Variants in MPZL1 observed in about 807,000 individuals in gnomAD.
MPZL1 encodes myelin protein zero like 1.
A neutral mutation model predicts 29.3 loss-of-function variants in MPZL1; 16 were observed. The observed-to-expected ratio is 0.55, with a 90% CI of 0.37 to 0.83. MPZL1 has a LOEUF of 0.83. MPZL1 is among the 40% of genes least tolerant of loss of function. The pLI is 0.00. For synonymous variants in MPZL1, 143 were observed against 132.0 expected, an observed-to-expected ratio of 1.08 and a Z score of -0.57; for missense variants, 279 against 332.9, an observed-to-expected ratio of 0.84 and a Z score of 1.26.
At position 167,783,032 on chromosome 1, in the gene MPZL1, C is replaced by T. The variant is rs115414042; in HGVS notation, c.709-4788C>T. Reference sequence around the variant, plus strand: ...CACCTTTAAAATTGTCTTTATTCTCCTCCCTCAAACTTGATTGCGAATCTG... The same window carrying T: ...CACCTTTAAAATTGTCTTTATTCTCTTCCCTCAAACTTGATTGCGAATCTG... On this transcript the variant is annotated intron_variant, in intron 5 of 5. Transcript: ENST00000359523. Among the ~76,000 whole-genome samples the T allele has an allele frequency of 4.5e-3, 690 of 152,298 alleles. 10 individuals carry two copies. Among genetic ancestry groups the T allele is most frequent in the African/African-American group, 0.016 (657 of 41,570 alleles).
intron 1 of MPZL1, among the ~76,000 whole-genome samples, chr1:167,741,482 C>T (rs768407680): frequency 2.6e-5 from 4 of 151,734 alleles, no homozygotes; most frequent in African/African-American, 4.8e-5. Flanking sequence ...CACGCCACCA[C>T]GCCTGGCTAA....
chr1:167,735,664 G>T (rs1355323516), intron 1 of MPZL1, among the ~76,000 whole-genome samples: 5 of 152,144 alleles, frequency 3.3e-5, no homozygotes, highest in Non-Finnish European at 7.4e-5. Flanking sequence ...GGGAAAAGTT[G>T]CAATTCAAGT....
At chr1:167,727,228 C>G (rs2101744563) in intron 1 of MPZL1, among the ~76,000 whole-genome samples, 1 of 152,294 alleles carries the variant, frequency 6.6e-6, no homozygotes, top group Non-Finnish European at 1.5e-5. Flanking sequence ...AGATGCTGGT[C>G]TACCTACTAA....
At position 167,788,089 on chromosome 1, in the gene MPZL1, T is replaced by A; in HGVS notation, c.*168T>A. 9.1e-6 allele frequency: 5 copies of A among 548,132 alleles called. No individual in the cohort carries two copies. In the South Asian group the frequency reaches 1.4e-4, roughly 15 times the overall value. 34.0% of individuals were successfully genotyped at this position (548,132 alleles called of 1,614,324 possible). A position where few individuals can be genotyped will look rare whatever the true frequency, so the allele number is the denominator to read the frequency against. On this transcript the variant is annotated 3_prime_UTR_variant, in exon 6 of 6. Transcript: ENST00000359523. ...GTACAAAGGATATGTATAAATATTC[T>A]ATTTAGTCATCCTGATATGAGGAGC...
chr1:167,754,073 C>G (rs1227423382), intron 1 of MPZL1, among the ~76,000 whole-genome samples: 1 of 152,162 alleles, frequency 6.6e-6, no homozygotes, highest in Non-Finnish European at 1.5e-5. Context: ...TCTCCGTTCG[C>G]TGCAACCTCT....
chr1:167,769,264 T>C (rs542645698), intron 2 of MPZL1, among the ~76,000 whole-genome samples: 13 of 152,340 alleles, frequency 8.5e-5, no homozygotes, highest in Middle Eastern at 3.4e-3. Flanking sequence ...TTCTGGACTT[T>C]TTTTATACAG....
At chr1:167,742,667 T>G (rs143607026) in intron 1 of MPZL1, among the ~76,000 whole-genome samples, 1 of 152,174 alleles carries the variant, frequency 6.6e-6, no homozygotes, top group Non-Finnish European at 1.5e-5. Context: ...TCTTTGTTTT[T>G]GTTGCATTTG....
rs1467765948 is a variant in MPZL1 at position 167,722,146 on chromosome 1, T to C, written c.-6T>C. ...CGGCGGCGGCGGCGACTGCAGTGGCTGGACGATGGCAGCGTCCGCCGGAGC... is the reference window on the plus strand; with the variant it reads ...CGGCGGCGGCGGCGACTGCAGTGGCCGGACGATGGCAGCGTCCGCCGGAGC... On this transcript the variant is annotated 5_prime_UTR_variant, in exon 1 of 6. Transcript: ENST00000359523. 3.2e-6 allele frequency: 4 copies of C among 1,235,146 alleles called. No homozygotes were observed. In the African/African-American group the frequency reaches 6.2e-5, roughly 19 times the overall value. The allele number at this position is 1,235,146 out of a possible 1,614,324, so 76.5% of individuals were successfully genotyped here.
At chr1:167,759,688 C>T (rs757524362) in intron 1 of MPZL1, among the ~76,000 whole-genome samples, 19 of 146,324 alleles carry the variant, frequency 1.3e-4, no homozygotes, top group Non-Finnish European at 2.4e-4. Context: ...CAATCAACTA[C>T]GCAGAGTGCC....
intron 5 of MPZL1, among the ~76,000 whole-genome samples, chr1:167,780,082 TGAC>T (rs753593190): frequency 6.6e-6 from 1 of 152,174 alleles, no homozygotes; most frequent in Non-Finnish European, 1.5e-5. Flanking sequence ...AAGGAAAAAT[TGAC>T]GTATTTACAA....
At chr1:167,732,325 T>TGG (rs1206942791) in intron 1 of MPZL1, among the ~76,000 whole-genome samples, 1 of 152,064 alleles carries the variant, frequency 6.6e-6, no homozygotes, top group East Asian at 1.9e-4. Flanking sequence ...TGCTTAGGAG[T>TGG]GGAGGCTGAA....
intron 1 of MPZL1, among the ~76,000 whole-genome samples, chr1:167,732,292 C>G (rs1660287870): frequency 6.6e-6 from 1 of 152,070 alleles, no homozygotes; most frequent in Non-Finnish European, 1.5e-5. Context: ...GGCAACATGG[C>G]AAAACTGCAT....
chr1:167,785,067 C>CTACTGCTACG (rs1661565248), intron 5 of MPZL1, among the ~76,000 whole-genome samples: 1 of 152,210 alleles, frequency 6.6e-6, no homozygotes, highest in Non-Finnish European at 1.5e-5. Context: ...TATCAATTAT[C>CTACTGCTACG]TACTGCTACG....
chr1:167,761,169 G>A lies in MPZL1; in HGVS notation c.92-4414G>A, dbSNP rs187385298. Among the ~76,000 whole-genome samples, 685 of 152,274 alleles carry A rather than the reference G, an allele frequency of 4.5e-3. 11 individuals carry two copies. The highest frequency in any genetic ancestry group is 3.0e-3 in the Non-Finnish European group (203 of 68,018). ...AGAGGAGAGAAATTGGACACAGTGTGTACAGACAGTTCTTTCAAGATTGAT... is the reference window on the plus strand; with the variant it reads ...AGAGGAGAGAAATTGGACACAGTGTATACAGACAGTTCTTTCAAGATTGAT... On this transcript the variant is annotated intron_variant, in intron 1 of 5. Transcript: ENST00000359523.
intron 1 of MPZL1, among the ~76,000 whole-genome samples, chr1:167,756,620 A>C (rs556222897): frequency 6.6e-6 from 1 of 152,224 alleles, no homozygotes; most frequent in East Asian, 1.9e-4. Flanking sequence ...CATTATGCTG[A>C]AGCCATTTGT....
chr1:167,762,432 C>T (rs1014657605), intron 1 of MPZL1, among the ~76,000 whole-genome samples: 6 of 152,152 alleles, frequency 3.9e-5, no homozygotes, highest in Non-Finnish European at 7.3e-5. Context: ...AGCGCAGCCA[C>T]GTGGCGGAAG....
In MPZL1 at chr1:167,789,855, C is replaced by T. The variant is rs1335877922; in HGVS notation, c.*1934C>T. The T allele has an allele frequency of 6.6e-6, 1 of 152,208 alleles. No individual in the cohort carries two copies. The highest frequency in any genetic ancestry group is 1.5e-5 in the Non-Finnish European group (1 of 68,044). 9.4% of individuals were successfully genotyped at this position (152,208 alleles called of 1,614,324 possible). On this transcript the variant is annotated 3_prime_UTR_variant, in exon 6 of 6. Coordinates refer to ENST00000359523, the MANE Select transcript of MPZL1 (RefSeq NM_003953.6). ...ATTTCCACAAAGTGGTCAACTCTGC[C>T]TTGCATCCTAAAACTTTTTGGGCAT... is the stretch of plus-strand genomic sequence containing the variant.
Position 167,765,397 on chromosome 1 carries a change from A to G in MPZL1, c.92-186A>G, listed in dbSNP as rs548085252. ...GCAATACAAACCTAAACTGTCAGCA[A>G]TTATTCTGTTTATAGTGCTATTCTG... On this transcript the variant is annotated intron_variant, in intron 1 of 5. Transcript: ENST00000359523. 16 of 376,966 alleles carry G rather than the reference A, an allele frequency of 4.2e-5. No homozygotes were observed. The Middle Eastern group carries it at 2.8e-3, about 65-fold the overall frequency. 23.4% of individuals were successfully genotyped at this position (376,966 alleles called of 1,614,324 possible). A position where few individuals can be genotyped will look rare whatever the true frequency, so the allele number is the denominator to read the frequency against.
chr1:167,772,902 C>T (rs1661281894), intron 3 of MPZL1, among the ~76,000 whole-genome samples: 1 of 152,168 alleles, frequency 6.6e-6, no homozygotes, highest in African/African-American at 2.4e-5. Flanking sequence ...TGAGAACAAA[C>T]AGGAAATGCA....
Sources: gnomAD v4.1 joint callset for allele counts (sites outside exome capture counted in the v4.1 genomes callset) on GRCh38, gnomAD v4.1.1 for gene constraint, MANE v1.5 for transcripts, NCBI Gene and HGNC (gene_info 2026-07-23, HGNC 2026-07-21) for gene names.